The following WEE2 variants were observed in gnomAD, a reference collection of about 807,000 sequenced individuals.
WEE2 encodes wee1-like protein kinase 2.
A neutral mutation model predicts 60.1 loss-of-function variants in WEE2; 50 were observed. That is an observed-to-expected ratio of 0.83 (90% CI 0.66 to 1.05). WEE2 has a LOEUF of 1.05. WEE2 is among the 50% of genes least tolerant of loss of function. The pLI is 0.00. For missense variants in WEE2, 631 were observed against 684.3 expected (o/e 0.92, Z 0.87); for synonymous variants, 240 against 241.0 (o/e 1.00, Z 0.04).
rs370921951 is a variant in WEE2, at chr7:141,726,093, G to C, written c.1392+897G>C. On this transcript the variant is annotated intron_variant, in intron 9 of 11. Coordinates refer to ENST00000397541, the MANE Select transcript of WEE2 (RefSeq NM_001105558.1). ...TCTTAATGACATCTGAGTAGTGTGG[G>C]GACAAGAAAAGGAAGATACTATGTT... Among the ~76,000 whole-genome samples, 13 of 152,072 alleles carry C rather than the reference G, an allele frequency of 8.5e-5. No individual in the cohort carries two copies. In the East Asian group the frequency reaches 9.6e-4, roughly 11 times the overall value.
chr7:141,708,360 T>G lies in WEE2; in HGVS notation c.-399T>G. The G allele has an allele frequency of 5.6e-6, 1 of 178,038 alleles. No homozygotes were observed. Among genetic ancestry groups the G allele is most frequent in the Non-Finnish European group, 1.2e-5 (1 of 84,038 alleles). The allele number at this position is 178,038 out of a possible 1,614,324, so 11.0% of individuals were successfully genotyped here. On this transcript the variant is annotated 5_prime_UTR_variant, in exon 1 of 12. Coordinates refer to ENST00000397541, the MANE Select transcript of WEE2 (RefSeq NM_001105558.1). ...GGTGTAAGGAGTGAAAATAATTTCT[T>G]TTCAATATTAGCTTATTCCCAAATT...
chr7:141,723,554 T>G (rs1359761413), intron 6 of WEE2, among the ~76,000 whole-genome samples: 1 of 152,200 alleles, frequency 6.6e-6, no homozygotes, highest in East Asian at 1.9e-4. Flanking sequence ...TGACAGCATA[T>G]CAGCTACATT....
At chr7:141,715,820 C>T (rs1338926340) in intron 2 of WEE2, among the ~76,000 whole-genome samples, 1 of 152,178 alleles carries the variant, frequency 6.6e-6, no homozygotes, top group Non-Finnish European at 1.5e-5. Context: ...AGTTATTTAA[C>T]CTCTCTCTGT....
chr7:141,720,320 T>C (rs1342349190), intron 4 of WEE2, among the ~76,000 whole-genome samples: 1 of 152,126 alleles, frequency 6.6e-6, no homozygotes, highest in African/African-American at 2.4e-5. Context: ...CACACCTGGC[T>C]AGTTCTTCAT....
At position 141,725,135 on chromosome 7, in the gene WEE2, G is replaced by A. The variant is rs979662248; in HGVS notation, c.1331G>A (p.Arg444His). ...AATGGTGCTGCATGGCACCATATCC[G>A]CAAGGGTAACTTTCCGGACGTTCCT... The part of the protein sequence containing the change: ...PTNGAAWHHI[R>H]KGNFPDVPQE... The change falls in exon 9 of 12, where the codon CGC (arginine) becomes CAC (histidine). Residue 444 changes from arginine to histidine, a missense_variant. Transcript: ENST00000397541. 10 of 1,614,030 alleles carry A rather than the reference G, an allele frequency of 6.2e-6. No homozygotes were observed. The highest frequency in any genetic ancestry group is 2.2e-5 in the East Asian group (1 of 44,896).
chr7:141,722,781 C>T (rs1798939140), intron 5 of WEE2, among the ~76,000 whole-genome samples: 1 of 152,162 alleles, frequency 6.6e-6, no homozygotes. Flanking sequence ...TTAGCTGGTA[C>T]ATATTTGAAT....
At position 141,721,025 on chromosome 7, in the gene WEE2, C is replaced by T; in HGVS notation, c.849C>T (p.Asp283=). Residue 283 remains aspartate, a synonymous_variant, in exon 5 of 12, where the codon GAC becomes GAT. Transcript: ENST00000397541. ...VRYYSSWAED[D]HMIIQNEYCN... ...ACTATTCCTCATGGGCAGAAGATGA[C>T]CACATGATCATTCAGAATGAATACT... 6.2e-7 allele frequency: 1 copy of T among 1,614,104 alleles called. No individual in the cohort carries two copies. Among genetic ancestry groups the T allele is most frequent in the Non-Finnish European group, 8.5e-7 (1 of 1,179,994 alleles).
In WEE2 at chr7:141,725,017, G is replaced by C; in HGVS notation, c.1222-9G>C. On this transcript the variant is annotated splice_polypyrimidine_tract_variant and intron_variant, in intron 8 of 11. Coordinates refer to ENST00000397541, the MANE Select transcript of WEE2 (RefSeq NM_001105558.1). Reference sequence around the variant, plus strand: ...ATAGTAACTGGCCTTCCTGTCTTCTGTTTTGAAGGATTACCGGCACCTTCC... The same window carrying C: ...ATAGTAACTGGCCTTCCTGTCTTCTCTTTTGAAGGATTACCGGCACCTTCC... 1 of 1,611,726 alleles carries C rather than the reference G, an allele frequency of 6.2e-7. No individual in the cohort carries two copies. The highest frequency in any genetic ancestry group is 8.5e-7 in the Non-Finnish European group (1 of 1,178,608).
chr7:141,716,389 C>A, intron 3 of WEE2, 122 bp downstream of exon 3: 1 of 916,764 alleles, frequency 1.1e-6, no homozygotes. Flanking sequence ...CCTCCCTTTT[C>A]TCCTTCCTCA....
intron 1 of WEE2, among the ~76,000 whole-genome samples, chr7:141,709,691 C>G (rs1015026470): frequency 2.6e-5 from 4 of 152,204 alleles, no homozygotes; most frequent in African/African-American, 9.7e-5. Flanking sequence ...AGAAGAACCT[C>G]CAGGTTCTTC....
rs1798759606 is a variant in WEE2 at position 141,714,313 on chromosome 7, A to G, written c.447A>G (p.Ser149=). The G allele has an allele frequency of 6.2e-7, 1 of 1,613,876 alleles. No homozygotes were observed. The highest frequency in any genetic ancestry group is 8.5e-7 in the Non-Finnish European group (1 of 1,179,828). Reference sequence around the variant, plus strand: ...CTCCCCTCAAGGATGAGATGACCTCATTGGCTCTGGTCAATATTAATCCCT... The same window carrying G: ...CTCCCCTCAAGGATGAGATGACCTCGTTGGCTCTGGTCAATATTAATCCCT... ...TPAPLKDEMT[S]LALVNINPFT... The change falls in exon 2 of 12, where the codon TCA becomes TCG. Residue 149 remains serine (S), a synonymous_variant. Coordinates refer to ENST00000397541, the MANE Select transcript of WEE2 (RefSeq NM_001105558.1).
chr7:141,716,656 T>C (rs1798803469), intron 3 of WEE2, among the ~76,000 whole-genome samples: 1 of 152,130 alleles, frequency 6.6e-6, no homozygotes, highest in Non-Finnish European at 1.5e-5. Flanking sequence ...GTGTCTGATA[T>C]GTATATGCTG....
Position 141,730,445 on chromosome 7 carries a change from A to T in WEE2, c.*125A>T. ...AGGAATAGAATTTAGTTTAGAGTTG[A>T]AGTCACAGCTTACAGAAAATGTGCC... is the stretch of plus-strand genomic sequence containing the variant. On this transcript the variant is annotated 3_prime_UTR_variant, in exon 12 of 12. Coordinates refer to ENST00000397541, the MANE Select transcript of WEE2 (RefSeq NM_001105558.1). 2.4e-6 allele frequency: 2 copies of T among 821,718 alleles called. No individual in the cohort carries two copies. The highest frequency in any genetic ancestry group is 3.6e-5 in the South Asian group (2 of 55,820). 50.9% of individuals were successfully genotyped at this position (821,718 alleles called of 1,614,324 possible).
chr7:141,726,587 G>A (rs751005778), intron 9 of WEE2, among the ~76,000 whole-genome samples: 1 of 152,082 alleles, frequency 6.6e-6, no homozygotes, highest in Non-Finnish European at 1.5e-5. Context: ...TTTGCATTTA[G>A]TTGATATTTC....
chr7:141,723,923 C>T lies in WEE2; in HGVS notation c.1028-18C>T, dbSNP rs766854560. The T allele has an allele frequency of 9.2e-6, 14 of 1,526,798 alleles. No individual in the cohort carries two copies. The highest frequency in any genetic ancestry group is 1.2e-5 in the Non-Finnish European group (13 of 1,109,062). The allele number at this position is 1,526,798 out of a possible 1,614,324, so 94.6% of individuals were successfully genotyped here. ...TTAGAAGTCATTACTTACATCTATC[C>T]TGTCATTTTTTTTTCAGGTAATATA... On this transcript the variant is annotated intron_variant, in intron 6 of 11. Coordinates refer to ENST00000397541, the MANE Select transcript of WEE2 (RefSeq NM_001105558.1).
chr7:141,727,448 T>C lies in WEE2; in HGVS notation c.1535+2T>C. The C allele has an allele frequency of 6.2e-7, 1 of 1,613,914 alleles. No individual in the cohort carries two copies. Among genetic ancestry groups the C allele is most frequent in the Middle Eastern group, 1.6e-4 (1 of 6,062 alleles). The stretch of plus-strand genomic sequence containing the variant: ...GTTCAAGACTGCCACACTGGAAAGG[T>C]ATATTTTTGGATGATGGGGGGTCAA... On this transcript the variant is annotated splice_donor_variant, in intron 10 of 11. Coordinates refer to ENST00000397541, the MANE Select transcript of WEE2 (RefSeq NM_001105558.1). LOFTEE classifies it high-confidence loss of function.
chr7:141,723,432 A>G, intron 6 of WEE2, 152 bp downstream of exon 6: 1 of 929,234 alleles, frequency 1.1e-6, no homozygotes, highest in East Asian at 2.5e-5. Flanking sequence ...AAAATCAGTT[A>G]AATAGTTTTA....
At chr7:141,725,293 T>C in intron 9 of WEE2, 97 bp downstream of exon 9, 1 of 1,353,980 alleles carries the variant, frequency 7.4e-7, no homozygotes, top group South Asian at 1.5e-5. Context: ...GCTAGTAGTG[T>C]CACTAACAGA....
chr7:141,728,554 T>G (rs1563018006), intron 10 of WEE2, among the ~76,000 whole-genome samples: 2 of 152,242 alleles, frequency 1.3e-5, no homozygotes, highest in African/African-American at 4.8e-5. Context: ...TCTTAAGGTG[T>G]GGTGTATACA....
Sources: gnomAD v4.1 joint callset for allele counts (sites outside exome capture counted in the v4.1 genomes callset) on GRCh38, gnomAD v4.1.1 for gene constraint, MANE v1.5 for transcripts, NCBI Gene and HGNC (gene_info 2026-07-23, HGNC 2026-07-21) for gene names.